The following FOXO3 variants were observed in gnomAD, a reference collection of about 807,000 sequenced individuals.
FOXO3 encodes forkhead box protein O3.
In FOXO3, 4 loss-of-function variants were observed where a neutral mutation model predicts 41.9. The observed-to-expected ratio is 0.10, with a 90% CI of 0.05 to 0.22. FOXO3 has a LOEUF of 0.22. Among genes scored for constraint, FOXO3 ranks in the 10% least tolerant of loss-of-function variants. The pLI is 1.00. For synonymous variants in FOXO3, 318 were observed against 389.3 expected, an observed-to-expected ratio of 0.82 and a Z score of 2.16; for missense variants, 534 against 906.8, an observed-to-expected ratio of 0.59 and a Z score of 5.28.
chr6:108,599,975 T>G (rs1251095488), intron 1 of FOXO3, among the ~76,000 whole-genome samples: 4 of 152,196 alleles, frequency 2.6e-5, no homozygotes, highest in African/African-American at 9.6e-5. Flanking sequence ...GTCCTCTATG[T>G]GAGAAGATCT....
intron 1 of FOXO3, among the ~76,000 whole-genome samples, chr6:108,600,343 C>T (rs974511778): frequency 4.0e-5 from 6 of 151,838 alleles, no homozygotes; most frequent in African/African-American, 1.2e-4. Flanking sequence ...GTCAGGAATT[C>T]AAGACCAGCC....
At chr6:108,636,492 T>TG (rs1456221135) in intron 1 of FOXO3, among the ~76,000 whole-genome samples, 4 of 151,064 alleles carry the variant, frequency 2.6e-5, no homozygotes, top group African/African-American at 9.8e-5. Context: ...TGGGCTGGGG[T>TG]GGGGGGTGCA....
chr6:108,659,965 A>G (rs986095255), intron 1 of FOXO3, among the ~76,000 whole-genome samples: 2 of 152,170 alleles, frequency 1.3e-5, no homozygotes, highest in African/African-American at 4.8e-5. Context: ...ATTTTAAAAT[A>G]TTGTTCCCTA....
intron 1 of FOXO3, among the ~76,000 whole-genome samples, chr6:108,604,807 A>G (rs1252911878): frequency 6.6e-6 from 1 of 151,924 alleles, no homozygotes; most frequent in African/African-American, 2.4e-5. Flanking sequence ...GTTTATCCTT[A>G]TGGAGATGCC....
intron 1 of FOXO3, among the ~76,000 whole-genome samples, chr6:108,598,437 T>C (rs1215066079): frequency 6.6e-6 from 1 of 152,124 alleles, no homozygotes; most frequent in African/African-American, 2.4e-5. Context: ...TAAACTGAAC[T>C]GAGGCAACCA....
chr6:108,585,216 T>C (rs1236474127), intron 1 of FOXO3, among the ~76,000 whole-genome samples: 1 of 151,742 alleles, frequency 6.6e-6, no homozygotes, highest in Non-Finnish European at 1.5e-5. Context: ...TAATTTTTTG[T>C]ATTTTTTTAG....
chr6:108,661,113 G>T (rs545945372), intron 1 of FOXO3, among the ~76,000 whole-genome samples: 14 of 151,940 alleles, frequency 9.2e-5, no homozygotes, highest in African/African-American at 3.1e-4. Context: ...GTGGTGGCAC[G>T]CACCTGTAAC....
At chr6:108,600,319 G>A (rs1475709624) in intron 1 of FOXO3, among the ~76,000 whole-genome samples, 2 of 152,002 alleles carry the variant, frequency 1.3e-5, no homozygotes, top group Admixed American at 1.3e-4. Context: ...CCGAGGCAAG[G>A]CGGATCACCC....
intron 1 of FOXO3, among the ~76,000 whole-genome samples, chr6:108,661,446 C>T (rs569347828): frequency 1.3e-5 from 2 of 152,200 alleles, no homozygotes; most frequent in Admixed American, 6.5e-5. Context: ...AGGTACTGTT[C>T]CGGATGTGGA....
At position 108,654,748 on chromosome 6, in the gene FOXO3, T is replaced by C. The variant is rs1336208603; in HGVS notation, c.622-8707T>C. ...CTTTAGAGCATCGTCTTTTTTTTTT[T>C]TTTTAAGTCCCTTAATGGTTTAAAC... On this transcript the variant is annotated intron_variant, in intron 1 of 2. Transcript: ENST00000406360. Among the ~76,000 whole-genome samples, 37 of 152,290 alleles carry C rather than the reference T, an allele frequency of 2.4e-4. 1 individual carries two copies. The highest frequency in any genetic ancestry group is 2.9e-5 in the Non-Finnish European group (2 of 68,026).
intron 1 of FOXO3, among the ~76,000 whole-genome samples, chr6:108,570,892 G>A: frequency 6.6e-6 from 1 of 152,150 alleles, no homozygotes; most frequent in East Asian, 1.9e-4. Flanking sequence ...TAAAGCAAGT[G>A]TTTTAAAGGA....
intron 1 of FOXO3, among the ~76,000 whole-genome samples, chr6:108,659,701 G>T (rs1021145965): frequency 6.6e-6 from 1 of 152,184 alleles, no homozygotes; most frequent in Non-Finnish European, 1.5e-5. Flanking sequence ...TTTCCCACCC[G>T]AACACCCTGT....
chr6:108,638,676 A>G (rs1778177636), intron 1 of FOXO3, among the ~76,000 whole-genome samples: 1 of 152,212 alleles, frequency 6.6e-6, no homozygotes, highest in Non-Finnish European at 1.5e-5. Flanking sequence ...GGAGGACAAC[A>G]GACGACTTGG....
At chr6:108,585,297 C>G (rs1379245454) in intron 1 of FOXO3, among the ~76,000 whole-genome samples, 1 of 152,216 alleles carries the variant, frequency 6.6e-6, no homozygotes, top group Non-Finnish European at 1.5e-5. Context: ...CCCGCCTCGG[C>G]CTCCCAAAGT....
intron 1 of FOXO3, 61 bp from the exon 2 acceptor site, chr6:108,663,394 T>TC: frequency 2.0e-6 from 3 of 1,524,310 alleles, no homozygotes; most frequent in Non-Finnish European, 2.6e-6. Flanking sequence ...TACTATATCA[T>TC]CTGGGTGCTC....
chr6:108,573,646 G>A (rs958012470), intron 1 of FOXO3, among the ~76,000 whole-genome samples: 12 of 152,012 alleles, frequency 7.9e-5, no homozygotes, highest in African/African-American at 2.7e-4. Context: ...TGGCCAACAT[G>A]GTGAAATCTC....
At chr6:108,574,152 C>CAA (rs1200932714) in intron 1 of FOXO3, among the ~76,000 whole-genome samples, 153 of 72,678 alleles carry the variant, frequency 2.1e-3, no homozygotes, top group African/African-American at 5.8e-3. Context: ...GACTCTGTCT[C>CAA]AAAAAAAAAA....
chr6:108,567,863 A>G (rs976699631), intron 1 of FOXO3, among the ~76,000 whole-genome samples: 1 of 152,282 alleles, frequency 6.6e-6, no homozygotes, highest in East Asian at 1.9e-4. Flanking sequence ...CCTTACCAAC[A>G]TGGTGAAACC....
At chr6:108,588,064 A>G (rs142934902) in intron 1 of FOXO3, among the ~76,000 whole-genome samples, 136 of 152,038 alleles carry the variant, frequency 8.9e-4, no homozygotes, top group African/African-American at 3.0e-3. Flanking sequence ...AAAAATGAAC[A>G]TAATTTCAAA....
Sources: gnomAD v4.1 joint callset for allele counts (sites outside exome capture counted in the v4.1 genomes callset) on GRCh38, gnomAD v4.1.1 for gene constraint, MANE v1.5 for transcripts, NCBI Gene and HGNC (gene_info 2026-07-23, HGNC 2026-07-21) for gene names.